Variants in NKX2-4 observed in about 807,000 individuals in gnomAD.
The protein encoded by NKX2-4 is homeobox protein Nkx-2.4.
In NKX2-4, 6 loss-of-function variants were observed where a neutral mutation model predicts 8.6. That is an observed-to-expected ratio of 0.70 (90% confidence interval 0.38 to 1.38). NKX2-4 has a LOEUF of 1.38. NKX2-4 is among the 40% of genes most tolerant of loss of function. NKX2-4 has a pLI of 0.02. For synonymous variants in NKX2-4, 299 were observed against 272.6 expected, an observed-to-expected ratio of 1.10 and a Z score of -0.95; for missense variants, 601 against 548.4, an observed-to-expected ratio of 1.10 and a Z score of -0.96.
rs1173767952 is a variant in NKX2-4 at position 21,397,169 on chromosome 20, C to T, written c.231G>A (p.Ala77=). Residue 77 remains alanine, a synonymous_variant, in exon 1 of 2, where the codon GCG becomes GCA. Coordinates refer to ENST00000351817, the MANE Select transcript of NKX2-4 (RefSeq NM_033176.2). ...PSHAMAGHNA[A]AAAAAAAAAA... ...CAGCTGCTGCCGCCGCCGCCGCGGCCGCCGCGTTGTGACCCGCCATGGCGT... is the reference window on the plus strand; with the variant it reads ...CAGCTGCTGCCGCCGCCGCCGCGGCTGCCGCGTTGTGACCCGCCATGGCGT... 7.6e-5 allele frequency: 96 copies of T among 1,262,860 alleles called. No individual in the cohort carries two copies. Among genetic ancestry groups the T allele is most frequent in the Non-Finnish European group, 9.1e-5 (92 of 1,010,382 alleles). 78.2% of individuals were successfully genotyped at this position (1,262,860 alleles called of 1,614,324 possible).
rs938329316 is a variant in NKX2-4, at chr20:21,397,460, C to G, written c.-61G>C. The G allele has an allele frequency of 3.2e-6, 4 of 1,241,200 alleles. No homozygotes were observed. Among genetic ancestry groups the G allele is most frequent in the Non-Finnish European group, 3.0e-6 (3 of 996,566 alleles). The allele number at this position is 1,241,200 out of a possible 1,614,324, so 76.9% of individuals were successfully genotyped here. On this transcript the variant is annotated 5_prime_UTR_variant, in exon 1 of 2. Transcript: ENST00000351817. ...GCGCGCCGGCAGGACGCGGCGGCCG[C>G]TCGTCGCCGCCACCTCGGCCGCGGC...
At chr20:21,396,852 C>A (rs1352662319) in intron 1 of NKX2-4, 106 bp downstream of exon 1, 1 of 1,057,792 alleles carries the variant, frequency 9.5e-7, no homozygotes, top group Non-Finnish European at 1.2e-6. Context: ...CGCTCGGCCC[C>A]AGGACCTCCT....
At position 21,396,232 on chromosome 20, in the gene NKX2-4, G is replaced by T; in HGVS notation, c.744C>A (p.Ala248=). 1 of 1,598,232 alleles carries T rather than the reference G, an allele frequency of 6.3e-7. No individual in the cohort carries two copies. Among genetic ancestry groups the T allele is most frequent in the South Asian group, 1.1e-5 (1 of 89,136 alleles). The change falls in exon 2 of 2, where the codon GCC becomes GCA. Residue 248 remains alanine (A), a synonymous_variant. Coordinates refer to ENST00000351817, the MANE Select transcript of NKX2-4 (RefSeq NM_033176.2). Reference sequence around the variant, plus strand: ...GCAGCTGCTGCGCCGCCTTGTCCTTGGCCTGCCGTTTCATCTTGTACCGGT... The same window carrying T: ...GCAGCTGCTGCGCCGCCTTGTCCTTTGCCTGCCGTTTCATCTTGTACCGGT... The part of the protein sequence containing the change: ...QNHRYKMKRQ[A]KDKAAQQLQQ...
Position 21,396,028 on chromosome 20 carries a change from C to G in NKX2-4, c.948G>C (p.Ser316=). ...GGCCGTGCAGCGCGGGTGGGCTGGG[C>G]GACAGCTCCTCCAGCTCAGGTGCTG... ...PTPAPELEEL[S]PSPPALHGPG... is the part of the protein sequence containing the mutation. Residue 316 remains serine, a synonymous_variant, in exon 2 of 2, where the codon TCG becomes TCC. Transcript: ENST00000351817. 1 of 1,258,072 alleles carries G rather than the reference C, an allele frequency of 7.9e-7. No individual in the cohort carries two copies. Among genetic ancestry groups the G allele is most frequent in the Admixed American group, 4.2e-5 (1 of 23,552 alleles). 77.9% of individuals were successfully genotyped at this position (1,258,072 alleles called of 1,614,324 possible).
chr20:21,397,486 AGCTGAG>A lies in NKX2-4; in HGVS notation c.-93_-88del, dbSNP rs1008220612. ...TCGTCGCCGCCACCTCGGCCGCGGC[AGCTGAG>A]CCTGTGACGAGGAGTCGGCGGCTCG... is the stretch of plus-strand genomic sequence containing the variant. On this transcript the variant is annotated 5_prime_UTR_variant, in exon 1 of 2. Transcript: ENST00000351817. 8.1e-4 allele frequency: 984 copies of A among 1,218,672 alleles called. 2 individuals carry two copies. The highest frequency in any genetic ancestry group is 9.6e-4 in the Non-Finnish European group (940 of 983,250). The allele number at this position is 1,218,672 out of a possible 1,614,324, so 75.5% of individuals were successfully genotyped here.
At position 21,396,329 on chromosome 20, in the gene NKX2-4, G is replaced by A; in HGVS notation, c.647C>T (p.Ala216Val). The A allele has an allele frequency of 1.2e-6, 2 of 1,603,352 alleles. No homozygotes were observed. Among genetic ancestry groups the A allele is most frequent in the Non-Finnish European group, 1.7e-6 (2 of 1,176,360 alleles). Reference protein sequence around the residue: ...RRFKQQKYLSAPEREHLASMI... With the variant: ...RRFKQQKYLSVPEREHLASMI... ...GCTGGCCAGGTGCTCGCGCTCGGGC[G>A]CCGACAGGTACTTCTGCTGCTTGAA... The change falls in exon 2 of 2, where the codon GCG becomes GTG. Residue 216 changes from alanine to valine, a missense_variant. Coordinates refer to ENST00000351817, the MANE Select transcript of NKX2-4 (RefSeq NM_033176.2).
rs755804118 is a variant in NKX2-4 at position 21,396,326 on chromosome 20, G to A, written c.650C>T (p.Pro217Leu). ...RFKQQKYLSA[P>L]EREHLASMIH... ...CATGCTGGCCAGGTGCTCGCGCTCG[G>A]GCGCCGACAGGTACTTCTGCTGCTT... is the stretch of plus-strand genomic sequence containing the variant. Residue 217 changes from proline to leucine, a missense_variant, in exon 2 of 2, where the codon CCC (proline) becomes CTC (leucine). Coordinates refer to ENST00000351817, the MANE Select transcript of NKX2-4 (RefSeq NM_033176.2). The A allele has an allele frequency of 1.2e-6, 2 of 1,603,608 alleles. No individual in the cohort carries two copies. Among genetic ancestry groups the A allele is most frequent in the South Asian group, 2.2e-5 (2 of 89,648 alleles).
Position 21,396,167 on chromosome 20 carries a change from G to T in NKX2-4, c.809C>A (p.Pro270Gln). Residue 270 changes from proline to glutamine, a missense_variant, in exon 2 of 2, where the codon CCG (proline) becomes CAG (glutamine). Physicochemically the swap from Pro to Gln is moderately conservative, Grantham distance 76. Coordinates refer to ENST00000351817, the MANE Select transcript of NKX2-4 (RefSeq NM_033176.2). ...AGGCACCGCCACGCGGCGCGGGGAC[G>T]GCGGCGGAGGCGGCGGCGGGCCCAG... is the stretch of plus-strand genomic sequence containing the variant. ...GGLGPPPPPP[P>Q]SPRRVAVPVL... 6.7e-7 allele frequency: 1 copy of T among 1,491,292 alleles called. No individual in the cohort carries two copies. Among genetic ancestry groups the T allele is most frequent in the Non-Finnish European group, 8.9e-7 (1 of 1,125,372 alleles). 92.4% of individuals were successfully genotyped at this position (1,491,292 alleles called of 1,614,324 possible).
chr20:21,397,450 G>C lies in NKX2-4; in HGVS notation c.-51C>G, dbSNP rs2039039250. The C allele has an allele frequency of 8.0e-7, 1 of 1,254,578 alleles. No homozygotes were observed. Among genetic ancestry groups the C allele is most frequent in the Non-Finnish European group, 1.0e-6 (1 of 1,003,874 alleles). The allele number at this position is 1,254,578 out of a possible 1,614,324, so 77.7% of individuals were successfully genotyped here. A position where few individuals can be genotyped will look rare whatever the true frequency, so the allele number is the denominator to read the frequency against. On this transcript the variant is annotated 5_prime_UTR_variant, in exon 1 of 2. Coordinates refer to ENST00000351817, the MANE Select transcript of NKX2-4 (RefSeq NM_033176.2). ...GGCCTGGGGCGCGCGCCGGCAGGAC[G>C]CGGCGGCCGCTCGTCGCCGCCACCT...
At chr20:21,396,614 G>C in intron 1 of NKX2-4, 81 bp from the exon 2 acceptor site, 1 of 1,189,920 alleles carries the variant, frequency 8.4e-7, no homozygotes, top group South Asian at 2.1e-5. Flanking sequence ...TCTTCACGCC[G>C]CGGCCGCGAC....
chr20:21,397,372 G>A lies in NKX2-4; in HGVS notation c.28C>T (p.Pro10Ser), dbSNP rs779720469. ...CTCAGGATGTCGGACACGGAGAAGG[G>A]CGTCGTGTGCTTTGGGCTCAACGAC... MSLSPKHTT[P>S]FSVSDILSPI... Residue 10 changes from proline (P) to serine (S), a missense_variant, in exon 1 of 2, where the codon CCC (proline) becomes TCC (serine). By Grantham distance (74) the Pro-to-Ser change is moderately conservative. Transcript: ENST00000351817. 4 of 1,443,950 alleles carry A rather than the reference G, an allele frequency of 2.8e-6. No homozygotes were observed. Among genetic ancestry groups the A allele is most frequent in the Non-Finnish European group, 1.8e-6 (2 of 1,097,728 alleles). The allele number at this position is 1,443,950 out of a possible 1,614,324, so 89.4% of individuals were successfully genotyped here.
chr20:21,396,419 G>A lies in NKX2-4; in HGVS notation c.557C>T (p.Ala186Val), dbSNP rs1000412367. 6 of 1,527,272 alleles carry A rather than the reference G, an allele frequency of 3.9e-6. No homozygotes were observed. In the Admixed American group the frequency reaches 6.4e-5, roughly 16 times the overall value. 94.6% of individuals were successfully genotyped at this position (1,527,272 alleles called of 1,614,324 possible). The change falls in exon 2 of 2, where the codon GCC (alanine) becomes GTC (valine). Residue 186 changes from alanine to valine, a missense_variant. By Grantham distance (64) the Ala-to-Val change is moderately conservative. Coordinates refer to ENST00000351817, the MANE Select transcript of NKX2-4 (RefSeq NM_033176.2). Reference sequence around the variant, plus strand: ...CACGCGGCGCTTCCTTCGCGGAGCGGCTGCCGCCGCCGCCGCGTGCAGCGG... The same window carrying A: ...CACGCGGCGCTTCCTTCGCGGAGCGACTGCCGCCGCCGCCGCGTGCAGCGG... Reference protein sequence around the residue: ...LGPLHAAAAAAAPRRKRRVLF... With the variant: ...LGPLHAAAAAVAPRRKRRVLF...
chr20:21,397,325 C>A lies in NKX2-4; in HGVS notation c.75G>T (p.Lys25Asn). ...DILSPIEETY[K>N]KFSGAMDGAP... ...CGCCGTCCATGGCGCCGCTGAACTT[C>A]TTGTAGGTCTCCTCGATGGGGCTCA... is the stretch of plus-strand genomic sequence containing the variant. Residue 25 changes from lysine (K) to asparagine (N), a missense_variant, in exon 1 of 2, where the codon AAG becomes AAT. By Grantham distance (94) the Lys-to-Asn change is moderately conservative (BLOSUM62 0). Transcript: ENST00000351817. 2.8e-6 allele frequency: 4 copies of A among 1,419,444 alleles called. No individual in the cohort carries two copies. Among genetic ancestry groups the A allele is most frequent in the Non-Finnish European group, 3.7e-6 (4 of 1,085,576 alleles). 87.9% of individuals were successfully genotyped at this position (1,419,444 alleles called of 1,614,324 possible).
chr20:21,397,148 TGCTGCCGCCGCC>T lies in NKX2-4; in HGVS notation c.240_251del (p.Ala88_Ala91del). The T allele has an allele frequency of 1.8e-5, 23 of 1,270,426 alleles. No individual in the cohort carries two copies. The highest frequency in any genetic ancestry group is 2.3e-5 in the Non-Finnish European group (23 of 1,014,922). 78.7% of individuals were successfully genotyped at this position (1,270,426 alleles called of 1,614,324 possible). A position where few individuals can be genotyped will look rare whatever the true frequency, so the allele number is the denominator to read the frequency against. ...AGGTGGCGGCCGCCGCCGCCGCAGC[TGCTGCCGCCGCC>T]GCCGCGGCCGCCGCGTTGTGACCCG... On this transcript the variant is annotated inframe_deletion, in exon 1 of 2. Transcript: ENST00000351817.
chr20:21,396,766 C>G (rs2039026985), intron 1 of NKX2-4, among the ~76,000 whole-genome samples, 192 bp downstream of exon 1: 1 of 149,938 alleles, frequency 6.7e-6, no homozygotes, highest in African/African-American at 2.5e-5. Context: ...CGGTCAGGTC[C>G]CAGGACCCCC....
intron 1 of NKX2-4, 32 bp downstream of exon 1, chr20:21,396,926 G>C: frequency 3.0e-6 from 4 of 1,354,424 alleles, no homozygotes; most frequent in Non-Finnish European, 2.8e-6. Context: ...CGCCTGAGCC[G>C]CCCGCAGCCC....
Position 21,397,501 on chromosome 20 carries a change from G to T in NKX2-4, c.-102C>A. ...CGGCCGCGGCAGCTGAGCCTGTGAC[G>T]AGGAGTCGGCGGCTCGGCGAGCCCC... is the stretch of plus-strand genomic sequence containing the variant. On this transcript the variant is annotated 5_prime_UTR_variant, in exon 1 of 2. Transcript: ENST00000351817. The T allele has an allele frequency of 8.3e-7, 1 of 1,200,866 alleles. No homozygotes were observed. 74.4% of individuals were successfully genotyped at this position (1,200,866 alleles called of 1,614,324 possible).
Position 21,397,140 on chromosome 20 carries a change from G to C in NKX2-4, c.260C>G (p.Ala87Gly), listed in dbSNP as rs1452004998. 3.8e-5 allele frequency: 48 copies of C among 1,274,734 alleles called. No homozygotes were observed. The highest frequency in any genetic ancestry group is 4.6e-5 in the Non-Finnish European group (47 of 1,017,298). 79.0% of individuals were successfully genotyped at this position (1,274,734 alleles called of 1,614,324 possible). Reference protein sequence around the residue: ...AAAAAAAAAAAAAAATYHMPP... With the variant: ...AAAAAAAAAAGAAAATYHMPP... ...CATGTGGTAGGTGGCGGCCGCCGCC[G>C]CCGCAGCTGCTGCCGCCGCCGCCGC... Residue 87 changes from alanine to glycine, a missense_variant, in exon 1 of 2, where the codon GCG (alanine) becomes GGG (glycine). Transcript: ENST00000351817.
At position 21,397,275 on chromosome 20, in the gene NKX2-4, A is replaced by C. The variant is rs553457506; in HGVS notation, c.125T>G (p.Leu42Arg). The C allele has an allele frequency of 4.8e-6, 6 of 1,256,674 alleles. No homozygotes were observed. The highest frequency in any genetic ancestry group is 3.1e-5 in the African/African-American group (2 of 63,654). The allele number at this position is 1,256,674 out of a possible 1,614,324, so 77.8% of individuals were successfully genotyped here. A position where few individuals can be genotyped will look rare whatever the true frequency, so the allele number is the denominator to read the frequency against. Residue 42 changes from leucine to arginine, a missense_variant, in exon 1 of 2, where the codon CTG (leucine) becomes CGG (arginine). Physicochemically the swap from Leu to Arg is moderately radical, Grantham distance 102. Transcript: ENST00000351817. ...DGAPPGLGAP[L>R]GAAAAYRAPP... ...CGCGCGGTAGGCGGCCGCGGCCCCC[A>C]GGGGCGCCCCCAGGCCGGGTGGCGC...
Sources: allele counts gnomAD v4.1 joint callset (sites outside exome capture counted in the v4.1 genomes callset), GRCh38; gene constraint gnomAD v4.1.1; transcripts MANE v1.5; gene names NCBI Gene and HGNC (gene_info 2026-07-23, HGNC 2026-07-21).